The following MITF variants were observed in gnomAD, a reference collection of about 807,000 sequenced individuals.
MITF encodes the protein microphthalmia-associated transcription factor.
In MITF, 17 loss-of-function variants were observed where a neutral mutation model predicts 60.5. That is an observed-to-expected ratio of 0.28 (90% CI 0.19 to 0.42). The LOEUF is 0.42. Ranked by LOEUF, MITF falls within the 10% of genes least tolerant of loss-of-function variation. The probability of loss-of-function intolerance (pLI) is 1.00; values close to 1 mark genes in which losing one functional copy is unlikely to be tolerated. For synonymous variants in MITF, 260 were observed against 248.5 expected, an observed-to-expected ratio of 1.05 and a Z score of -0.43; for missense variants, 622 against 683.5, an observed-to-expected ratio of 0.91 and a Z score of 1.00.
chr3:69,899,961 A>G (rs2064960721), intron 2 of MITF, among the ~76,000 whole-genome samples: 1 of 152,128 alleles, frequency 6.6e-6, no homozygotes. Context: ...TATAAAAGCC[A>G]TTTTGACCCC....
At chr3:69,840,805 G>T (rs1459270984) in intron 1 of MITF, among the ~76,000 whole-genome samples, 2 of 150,294 alleles carry the variant, frequency 1.3e-5, no homozygotes, top group East Asian at 3.9e-4. Flanking sequence ...CTAGGCTGGA[G>T]TGCAGTGCTG....
intron 1 of MITF, among the ~76,000 whole-genome samples, chr3:69,841,113 T>A (rs2063628729): frequency 6.6e-6 from 1 of 152,206 alleles, no homozygotes; most frequent in Non-Finnish European, 1.5e-5. Flanking sequence ...TAATTAAGCT[T>A]ATGGAATGAC....
chr3:69,849,840 C>T (rs1303205143), intron 1 of MITF, among the ~76,000 whole-genome samples: 2 of 152,142 alleles, frequency 1.3e-5, no homozygotes, highest in Admixed American at 1.3e-4. Flanking sequence ...GTTTCTTTGC[C>T]TGACTTATAT....
At chr3:69,953,585 G>T (rs1387003987) in intron 7 of MITF, among the ~76,000 whole-genome samples, 1 of 149,520 alleles carries the variant, frequency 6.7e-6, no homozygotes, top group African/African-American at 2.5e-5. Flanking sequence ...GTGTGTATGT[G>T]TGTATATATA....
intron 9 of MITF, among the ~76,000 whole-genome samples, chr3:69,961,369 G>A (rs550640530): frequency 6.8e-5 from 10 of 147,372 alleles, no homozygotes; most frequent in Non-Finnish European, 1.5e-4. Flanking sequence ...GCGACAGAGT[G>A]AGACTCCATC....
rs748817904 is a variant in MITF, at chr3:69,965,146, C to G, written c.1479C>G (p.Val493=). Residue 493 remains valine (V), a synonymous_variant, in exon 10 of 10, where the codon GTC becomes GTG. Coordinates refer to ENST00000352241, the MANE Select transcript of MITF (RefSeq NM_001354604.2). ...TGATGGACGACACCCTTTCTCCCGT[C>G]GGTGTCACTGATCCACTCCTTTCCT... ...DILMDDTLSP[V]GVTDPLLSSV... 5 of 1,614,078 alleles carry G rather than the reference C, an allele frequency of 3.1e-6. No homozygotes were observed. The highest frequency in any genetic ancestry group is 3.4e-6 in the Non-Finnish European group (4 of 1,179,992).
intron 2 of MITF, among the ~76,000 whole-genome samples, chr3:69,889,671 A>G (rs1175466533): frequency 6.6e-6 from 1 of 152,026 alleles, no homozygotes; most frequent in Non-Finnish European, 1.5e-5. Context: ...CACATCCCCA[A>G]TTTGGACACT....
intron 2 of MITF, among the ~76,000 whole-genome samples, chr3:69,887,724 TC>T (rs2064655898): frequency 6.6e-6 from 1 of 152,048 alleles, no homozygotes; most frequent in Non-Finnish European, 1.5e-5. Flanking sequence ...TATAGGTGAA[TC>T]TATACCATTG....
At chr3:69,938,152 C>T (rs1055859333) in intron 3 of MITF, 103 bp downstream of exon 3, 2 of 1,303,824 alleles carry the variant, frequency 1.5e-6, no homozygotes, top group African/African-American at 1.5e-5. Flanking sequence ...GTCCTTGTGG[C>T]CACATTTACC....
At chr3:69,940,643 C>T (rs1471328650) in intron 4 of MITF, among the ~76,000 whole-genome samples, 1 of 152,124 alleles carries the variant, frequency 6.6e-6, no homozygotes, top group Admixed American at 6.5e-5. Flanking sequence ...TAGCCAGTGG[C>T]CTGGGAGCCA....
chr3:69,871,644 G>C (rs1489471393), intron 1 of MITF, among the ~76,000 whole-genome samples: 2 of 152,152 alleles, frequency 1.3e-5, no homozygotes, highest in Non-Finnish European at 2.9e-5. Context: ...TTGCATCTTG[G>C]TTGACGTGTG....
intron 1 of MITF, among the ~76,000 whole-genome samples, chr3:69,743,759 G>A (rs1703619483): frequency 6.6e-6 from 1 of 152,192 alleles, no homozygotes; most frequent in East Asian, 1.9e-4. Flanking sequence ...AATTCACATA[G>A]GCATAGTCAT....
At chr3:69,895,334 G>A (rs1228462190) in intron 2 of MITF, among the ~76,000 whole-genome samples, 1 of 152,096 alleles carries the variant, frequency 6.6e-6, no homozygotes, top group East Asian at 1.9e-4. Flanking sequence ...TTTTAGATAC[G>A]CTATTATTTT....
chr3:69,812,230 C>T (rs150568033), intron 1 of MITF, among the ~76,000 whole-genome samples: 65 of 152,208 alleles, frequency 4.3e-4, no homozygotes, highest in African/African-American at 1.5e-3. Flanking sequence ...ATGACCTTCC[C>T]CAAGGTGCTT....
intron 1 of MITF, among the ~76,000 whole-genome samples, chr3:69,863,305 T>C (rs773783084): frequency 1.3e-5 from 2 of 152,208 alleles, no homozygotes; most frequent in Non-Finnish European, 2.9e-5. Flanking sequence ...CCTGTGTTCA[T>C]ATTTAAGCCA....
At chr3:69,897,940 T>A (rs2064913116) in intron 2 of MITF, among the ~76,000 whole-genome samples, 1 of 152,204 alleles carries the variant, frequency 6.6e-6, no homozygotes, top group Non-Finnish European at 1.5e-5. Context: ...TGGGAGTTGA[T>A]ATACAAAACA....
intron 2 of MITF, among the ~76,000 whole-genome samples, chr3:69,902,883 C>A (rs1229810779): frequency 6.6e-6 from 1 of 151,026 alleles, no homozygotes; most frequent in Non-Finnish European, 1.5e-5. Flanking sequence ...GAAAAAAAAA[C>A]CCAAATAGGT....
At chr3:69,770,565 G>C (rs964808664) in intron 1 of MITF, among the ~76,000 whole-genome samples, 1 of 152,188 alleles carries the variant, frequency 6.6e-6, no homozygotes, top group South Asian at 2.1e-4. Flanking sequence ...TGAGAGAATT[G>C]CATTCTAAGA....
chr3:69,943,072 CTTTT>C (rs781031439), intron 5 of MITF, among the ~76,000 whole-genome samples: 6 of 124,924 alleles, frequency 4.8e-5, no homozygotes, highest in Non-Finnish European at 1.7e-5. Flanking sequence ...TTAGCCTCCT[CTTTT>C]TTTTTTTTTT....
Sources: allele counts gnomAD v4.1 joint callset (sites outside exome capture counted in the v4.1 genomes callset), GRCh38; gene constraint gnomAD v4.1.1; transcripts MANE v1.5; gene names NCBI Gene and HGNC (gene_info 2026-07-23, HGNC 2026-07-21).